CNTNAP4: variants seen among roughly 807,000 people sequenced by gnomAD.
The protein encoded by CNTNAP4 is contactin-associated protein-like 4.
A neutral mutation model predicts 148.4 loss-of-function variants in CNTNAP4; 98 were observed. That is an observed-to-expected ratio of 0.66 (90% CI 0.56 to 0.78). The LOEUF is 0.78. Ranked by LOEUF, CNTNAP4 falls within the 30% of genes least tolerant of loss-of-function variation. CNTNAP4 has a pLI of 0.00. For missense variants in CNTNAP4, 1,935 were observed against 1,565.6 expected (o/e 1.24, Z -3.98); for synonymous variants, 730 against 565.1 (o/e 1.29, Z -4.14).
At chr16:76,450,133 A>G (rs2080404916) in intron 7 of CNTNAP4, among the ~76,000 whole-genome samples, 1 of 151,848 alleles carries the variant, frequency 6.6e-6, no homozygotes, top group South Asian at 2.1e-4. Flanking sequence ...ACAGGAGCCT[A>G]ATTTCTTTTA....
At chr16:76,302,953 T>C (rs1960134426) in intron 1 of CNTNAP4, among the ~76,000 whole-genome samples, 1 of 152,136 alleles carries the variant, frequency 6.6e-6, no homozygotes, top group South Asian at 2.1e-4. Context: ...GTAGGGGGTG[T>C]AGTCTTGTTG....
chr16:76,342,663 G>A (rs537717327), intron 2 of CNTNAP4, among the ~76,000 whole-genome samples: 8 of 151,720 alleles, frequency 5.3e-5, no homozygotes, highest in Non-Finnish European at 8.8e-5. Flanking sequence ...TAGTACTGGC[G>A]GGGTTTCACC....
intron 1 of CNTNAP4, among the ~76,000 whole-genome samples, chr16:76,298,005 T>C (rs1959495485): frequency 6.6e-6 from 1 of 152,212 alleles, no homozygotes; most frequent in South Asian, 2.1e-4. Flanking sequence ...TCTGTTTTTC[T>C]GCTATCTTCA....
chr16:76,309,335 G>C (rs1960838266), intron 1 of CNTNAP4, among the ~76,000 whole-genome samples: 1 of 151,984 alleles, frequency 6.6e-6, no homozygotes, highest in African/African-American at 2.4e-5. Flanking sequence ...GCTGCAGCAA[G>C]GTGGTTGGCC....
intron 17 of CNTNAP4, among the ~76,000 whole-genome samples, chr16:76,522,713 T>C (rs866170189): frequency 0.12 from 4,706 of 40,346 alleles, 752 homozygotes; most frequent in Non-Finnish European, 0.13. Flanking sequence ...TTTCTTTTCT[T>C]TTCTTTTCTT....
At chr16:76,358,947 C>A (rs971075564) in intron 3 of CNTNAP4, among the ~76,000 whole-genome samples, 1 of 152,038 alleles carries the variant, frequency 6.6e-6, no homozygotes, top group Non-Finnish European at 1.5e-5. Flanking sequence ...AAGTTTTATT[C>A]TATTCCATAG....
chr16:76,306,302 G>A (rs1009028894), intron 1 of CNTNAP4, among the ~76,000 whole-genome samples: 1 of 152,110 alleles, frequency 6.6e-6, no homozygotes, highest in Non-Finnish European at 1.5e-5. Flanking sequence ...GAAGCAGTTA[G>A]TTGGTTTTGA....
In CNTNAP4 at chr16:76,558,596, G is replaced by GA; in HGVS notation, c.3842dup (p.Asn1281LysfsTer6). The GA allele has an allele frequency of 6.2e-7, 1 of 1,613,434 alleles. No homozygotes were observed. Among genetic ancestry groups the GA allele is most frequent in the Non-Finnish European group, 8.5e-7 (1 of 1,179,492 alleles). On this transcript the variant is annotated frameshift_variant, in exon 24 of 24. Transcript: ENST00000611870. LOFTEE classifies it high-confidence loss of function. ...AAAGAAGTGAGGCAAAAAGGTCAGA[G>GA]AATGTAGACAGTGCTGAGGCTGTTC...
chr16:76,541,986 G>C (rs189329867), intron 21 of CNTNAP4, among the ~76,000 whole-genome samples: 14 of 152,220 alleles, frequency 9.2e-5, no homozygotes, highest in Admixed American at 9.2e-4. Context: ...TTTGCTCTAA[G>C]AATATGTATA....
intron 13 of CNTNAP4, among the ~76,000 whole-genome samples, chr16:76,493,626 C>A (rs760446972): frequency 2.6e-5 from 4 of 151,932 alleles, no homozygotes; most frequent in Non-Finnish European, 5.9e-5. Context: ...TCTTTTTAAT[C>A]TATGAAAACT....
chr16:76,447,214 G>A (rs2080280702), intron 4 of CNTNAP4, among the ~76,000 whole-genome samples: 1 of 152,016 alleles, frequency 6.6e-6, no homozygotes, highest in African/African-American at 2.4e-5. Context: ...GGAGGTTGAG[G>A]TGGGAGGGTC....
intron 8 of CNTNAP4, among the ~76,000 whole-genome samples, chr16:76,459,196 A>G (rs1024855696): frequency 4.6e-5 from 7 of 152,214 alleles, no homozygotes; most frequent in Non-Finnish European, 1.0e-4. Context: ...CAGAGAGTGT[A>G]TAAGAAATTT....
In CNTNAP4 at chr16:76,522,093, C is replaced by T. The variant is rs775109304; in HGVS notation, c.2591C>T (p.Ser864Leu). 14 of 1,613,822 alleles carry T rather than the reference C, an allele frequency of 8.7e-6. No individual in the cohort carries two copies. The East Asian group carries it at 2.9e-4, about 33-fold the overall frequency. The change falls in exon 17 of 24, where the codon TCA (serine) becomes TTA (leucine). Residue 864 changes from serine (S) to leucine (L), a missense_variant. By Grantham distance (145) the Ser-to-Leu change is moderately radical (BLOSUM62 -2). Transcript: ENST00000611870. ...FDVGNGPFEI[S>L]VQSPTHFNDN... ...GTGGGGAATGGGCCTTTTGAAATCTCAGTGCAGTCACCCACCCACTTCAAC... is the reference window on the plus strand; with the variant it reads ...GTGGGGAATGGGCCTTTTGAAATCTTAGTGCAGTCACCCACCCACTTCAAC...
chr16:76,382,681 A>C (rs1364946448), intron 3 of CNTNAP4, among the ~76,000 whole-genome samples: 1 of 152,198 alleles, frequency 6.6e-6, no homozygotes, highest in East Asian at 1.9e-4. Flanking sequence ...TTTATCAAAA[A>C]ACCATGACTA....
At chr16:76,446,567 A>G (rs1247112355) in intron 4 of CNTNAP4, among the ~76,000 whole-genome samples, 1 of 152,178 alleles carries the variant, frequency 6.6e-6, no homozygotes, top group Admixed American at 6.5e-5. Flanking sequence ...GACAATAAGT[A>G]GATAAGACAG....
At position 76,483,234 on chromosome 16, in the gene CNTNAP4, A is replaced by T. The variant is rs1228001677; in HGVS notation, c.1882+3696A>T. ...TCTAGTCTTTGAAGTTTTAAGAAAC[A>T]CACACACACACACACACACACACAC... On this transcript the variant is annotated intron_variant, in intron 12 of 23. Transcript: ENST00000611870. Among the ~76,000 whole-genome samples the T allele has an allele frequency of 1.3e-4, 3 of 23,510 alleles. No homozygotes were observed. The African/African-American group carries it at 1.5e-3, about 12-fold the overall frequency. 15.4% of individuals were successfully genotyped at this position (23,510 alleles called of 152,430 possible).
At chr16:76,360,254 T>C (rs1054197873) in intron 3 of CNTNAP4, among the ~76,000 whole-genome samples, 8 of 152,200 alleles carry the variant, frequency 5.3e-5, no homozygotes, top group Non-Finnish European at 1.2e-4. Context: ...GCAGAAGCAC[T>C]ACCTGTCACA....
At chr16:76,471,659 C>G (rs1452915043) in intron 10 of CNTNAP4, among the ~76,000 whole-genome samples, 2 of 152,110 alleles carry the variant, frequency 1.3e-5, no homozygotes, top group Non-Finnish European at 2.9e-5. Flanking sequence ...CCCCTCTTCT[C>G]CATGGAGCCC....
At chr16:76,351,826 G>T (rs1039814037) in intron 2 of CNTNAP4, among the ~76,000 whole-genome samples, 1 of 152,146 alleles carries the variant, frequency 6.6e-6, no homozygotes, top group Non-Finnish European at 1.5e-5. Flanking sequence ...TTGATGATCC[G>T]ATTTTAACTC....
Sources: gnomAD v4.1 joint callset for allele counts (sites outside exome capture counted in the v4.1 genomes callset) on GRCh38, gnomAD v4.1.1 for gene constraint, MANE v1.5 for transcripts, NCBI Gene and HGNC (gene_info 2026-07-23, HGNC 2026-07-21) for gene names.